SLC6A9: variants seen among roughly 807,000 people sequenced by gnomAD.
The protein encoded by SLC6A9 is sodium- and chloride-dependent glycine transporter 1.
Under a neutral mutation model 70.9 loss-of-function variants are expected in SLC6A9, and 31 were observed. The observed-to-expected ratio is 0.44, with a 90% CI of 0.33 to 0.59. The LOEUF (loss-of-function observed/expected upper bound fraction) is 0.59, where lower values mean the gene tolerates loss of function less well. Ranked by LOEUF, SLC6A9 falls within the 20% of genes least tolerant of loss-of-function variation. The pLI is 0.04. For missense variants in SLC6A9, 631 were observed against 845.2 expected (o/e 0.75, Z 3.14); for synonymous variants, 310 against 341.3 (o/e 0.91, Z 1.01).
chr1:44,009,904 G>A lies in SLC6A9; in HGVS notation c.319+61C>T, dbSNP rs570784017. The A allele has an allele frequency of 4.5e-4, 718 of 1,579,082 alleles. 10 individuals carry two copies. The South Asian group carries it at 7.7e-3, about 17-fold the overall frequency. ...TTTGTACAGATGGGCGAGTTGGCAC[G>A]GCCCTCAGAGGCCGTTGTGTGTTTG... On this transcript the variant is annotated intron_variant, in intron 4 of 13. Transcript: ENST00000372310.
intron 12 of SLC6A9, among the ~76,000 whole-genome samples, chr1:43,999,665 C>A (rs187769182): frequency 6.6e-6 from 1 of 152,114 alleles, no homozygotes; most frequent in African/African-American, 2.4e-5. Flanking sequence ...GTGCCAGGCT[C>A]GGGAACATCC....
chr1:44,024,429 A>G, intron 1 of SLC6A9, 67 bp from the exon 2 acceptor site: 1 of 920,622 alleles, frequency 1.1e-6, no homozygotes, highest in South Asian at 1.5e-5. Flanking sequence ...CCAGACAGGT[A>G]GTGCCGAGCC....
Position 44,010,836 on chromosome 1 carries a change from T to C in SLC6A9, c.77A>G (p.Lys26Arg). The C allele has an allele frequency of 6.2e-7, 1 of 1,614,220 alleles. No homozygotes were observed. Among genetic ancestry groups the C allele is most frequent in the Non-Finnish European group, 8.5e-7 (1 of 1,180,024 alleles). ...SEATKRDQNL[K>R]RGNWGNQIEF... Reference sequence around the variant, plus strand: ...GATCTGGTTGCCCCAGTTGCCCCGTTTGAGGTTCTGGTCCCTCTTGGTGGC... The same window carrying C: ...GATCTGGTTGCCCCAGTTGCCCCGTCTGAGGTTCTGGTCCCTCTTGGTGGC... The change falls in exon 3 of 14, where the codon AAA becomes AGA. Residue 26 changes from lysine to arginine, a missense_variant. Lys to Arg is a conservative substitution (Grantham distance 26). Coordinates refer to ENST00000372310, the MANE Select transcript of SLC6A9 (RefSeq NM_001024845.3).
At position 44,008,619 on chromosome 1, in the gene SLC6A9, C is replaced by T; in HGVS notation, c.324G>A (p.Val108=). 6.2e-7 allele frequency: 1 copy of T among 1,613,156 alleles called. No homozygotes were observed. The highest frequency in any genetic ancestry group is 1.3e-5 in the African/African-American group (1 of 75,030). The change falls in exon 5 of 14, where the codon GTG becomes GTA. Residue 108 remains valine (V), a synonymous_variant. Coordinates refer to ENST00000372310, the MANE Select transcript of SLC6A9 (RefSeq NM_001024845.3). The stretch of plus-strand genomic sequence containing the variant: ...TGGACACCACCATCATACCATAGCC[C>T]ACTCCTGCAGGAGGGGAGGGGTGGG... ...VWRISPMFKG[V]GYGMMVVSTY...
chr1:43,999,613 C>T lies in SLC6A9; in HGVS notation c.1536+1154G>A, dbSNP rs544859790. On this transcript the variant is annotated intron_variant, in intron 12 of 13. Transcript: ENST00000372310. ...CCTCCCACCACTGAGACTTCCGTTC[C>T]TCCTGTTTCAAAGCTGGGCCAGTGG... Among the ~76,000 whole-genome samples, 6 of 152,258 alleles carry T rather than the reference C, an allele frequency of 3.9e-5. No individual in the cohort carries two copies. In the South Asian group the frequency reaches 1.0e-3, roughly 26 times the overall value.
At chr1:44,011,875 C>G (rs1161999072) in intron 2 of SLC6A9, among the ~76,000 whole-genome samples, 1 of 152,190 alleles carries the variant, frequency 6.6e-6, no homozygotes, top group Non-Finnish European at 1.5e-5. Context: ...ACTGGCTCTG[C>G]AAGTCCCTTG....
intron 2 of SLC6A9, among the ~76,000 whole-genome samples, chr1:44,023,556 C>T (rs187931001): frequency 4.6e-5 from 7 of 152,248 alleles, no homozygotes; most frequent in East Asian, 1.9e-4. Context: ...GCATGAGAAT[C>T]GCTTGAACCC....
chr1:44,003,701 T>C (rs181664174), intron 5 of SLC6A9, among the ~76,000 whole-genome samples: 29 of 144,116 alleles, frequency 2.0e-4, no homozygotes, highest in African/African-American at 7.2e-4. Context: ...GGAGTGGAGA[T>C]TGTGCCACTG....
At chr1:44,003,065 G>T in intron 5 of SLC6A9, 80 bp from the exon 6 acceptor site, 1 of 1,538,652 alleles carries the variant, frequency 6.5e-7, no homozygotes. Flanking sequence ...GCCCACCCGG[G>T]CTGTACCCTC....
chr1:44,003,109 G>A (rs539737970), intron 5 of SLC6A9, 124 bp from the exon 6 acceptor site: 10 of 1,149,932 alleles, frequency 8.7e-6, no homozygotes, highest in Middle Eastern at 5.7e-4. Flanking sequence ...CACCTTGTGT[G>A]ACATGGGAGC....
Position 44,021,340 on chromosome 1 carries a change from G to A in SLC6A9, c.30+2908C>T, listed in dbSNP as rs548798593. Among the ~76,000 whole-genome samples, 49 of 152,296 alleles carry A rather than the reference G, an allele frequency of 3.2e-4. 1 individual carries two copies. Among genetic ancestry groups the A allele is most frequent in the African/African-American group, 1.2e-3 (49 of 41,566 alleles). On this transcript the variant is annotated intron_variant, in intron 2 of 13. Coordinates refer to ENST00000372310, the MANE Select transcript of SLC6A9 (RefSeq NM_001024845.3). ...GAGGCGTGAGGGAGGCAGCTGAGCT[G>A]GCCTGGCAGAGACCATCTGGGCTGG...
intron 5 of SLC6A9, 39 bp from the exon 6 acceptor site, chr1:44,003,024 G>A (rs199964204): frequency 1.7e-5 from 27 of 1,611,008 alleles, no homozygotes; most frequent in African/African-American, 2.7e-5. Context: ...GCCAGCCGCC[G>A]CTGCCCAGCA....
At chr1:44,005,660 C>T (rs569591699) in intron 5 of SLC6A9, among the ~76,000 whole-genome samples, 1 of 152,324 alleles carries the variant, frequency 6.6e-6, no homozygotes, top group East Asian at 1.9e-4. Context: ...CTGCCTAGCT[C>T]CTTAACCTCT....
chr1:44,007,149 T>A (rs2086347715), intron 5 of SLC6A9, among the ~76,000 whole-genome samples: 2 of 152,152 alleles, frequency 1.3e-5, no homozygotes, highest in Non-Finnish European at 2.9e-5. Context: ...CTCCCTTCTC[T>A]GGGAAGCTCT....
rs2086166470 is a variant in SLC6A9 at position 44,002,753 on chromosome 1, G to C, written c.723+100C>G. The C allele has an allele frequency of 2.5e-6, 4 of 1,593,928 alleles. 1 individual carries two copies. Among genetic ancestry groups the C allele is most frequent in the Non-Finnish European group, 3.4e-6 (4 of 1,164,308 alleles). On this transcript the variant is annotated intron_variant, in intron 6 of 13. Coordinates refer to ENST00000372310, the MANE Select transcript of SLC6A9 (RefSeq NM_001024845.3). The surrounding 1 kb of genome is among the most constrained non-coding windows in gnomAD (Gnocchi z 5.5). ...GCCCCCTGGTCCCTCTCCGGCTCCG[G>C]AGTCCCTTCAGCATCCCCTCCCTGC...
chr1:44,014,997 T>C (rs1172518845), intron 2 of SLC6A9, among the ~76,000 whole-genome samples: 3 of 152,148 alleles, frequency 2.0e-5, no homozygotes, highest in Non-Finnish European at 4.4e-5. Flanking sequence ...ATTCCATAGC[T>C]CTCCCTCACC....
At chr1:44,003,414 A>G (rs113847170) in intron 5 of SLC6A9, among the ~76,000 whole-genome samples, 1,693 of 152,350 alleles carry the variant, frequency 0.011, 16 homozygotes, top group South Asian at 0.028. Context: ...ACGTGCACCA[A>G]TTAGCTCTAT....
chr1:44,008,695 T>C (rs2086419419), intron 4 of SLC6A9, 72 bp from the exon 5 acceptor site: 4 of 1,280,284 alleles, frequency 3.1e-6, no homozygotes, highest in Non-Finnish European at 4.3e-6. Context: ...TAATTTCTTT[T>C]TTTTCTTTTC....
chr1:44,022,722 C>CTTTTTTT lies in SLC6A9; in HGVS notation c.30+1519_30+1525dup, dbSNP rs71307650. Among the ~76,000 whole-genome samples the CTTTTTTT allele has an allele frequency of 3.4e-3, 406 of 118,892 alleles. 11 individuals carry two copies. Among genetic ancestry groups the CTTTTTTT allele is most frequent in the Middle Eastern group, 9.5e-3 (2 of 210 alleles). 78.0% of individuals were successfully genotyped at this position (118,892 alleles called of 152,430 possible). A position where few individuals can be genotyped will look rare whatever the true frequency, so the allele number is the denominator to read the frequency against. On this transcript the variant is annotated intron_variant, in intron 2 of 13. Transcript: ENST00000372310. ...TTTTTCTTTCTTTCTTTCTTTCTTT[C>CTTTTTTT]TTTTTTTTTTTTTTGAGACAGAGCC...
Sources: allele counts gnomAD v4.1 joint callset (sites outside exome capture counted in the v4.1 genomes callset), GRCh38; gene constraint gnomAD v4.1.1; non-coding constraint Gnocchi (gnomAD v3.1); transcripts MANE v1.5; gene names NCBI Gene and HGNC (gene_info 2026-07-23, HGNC 2026-07-21).